IQSEC2: variants seen among roughly 807,000 people sequenced by gnomAD.
IQSEC2 encodes IQ motif and Sec7 domain ArfGEF 2, also known as IQ motif and SEC7 domain-containing protein 2.
A neutral mutation model predicts 74.6 loss-of-function variants in IQSEC2; 6 were observed. That is an observed-to-expected ratio of 0.08 (90% CI 0.04 to 0.16). The LOEUF (loss-of-function observed/expected upper bound fraction) is 0.16, where lower values mean the gene tolerates loss of function less well. Ranked by LOEUF, IQSEC2 falls within the 10% of genes least tolerant of loss-of-function variation. The pLI, the probability that IQSEC2 is intolerant of heterozygous loss-of-function variation, is 1.00. For synonymous variants in IQSEC2, 494 were observed against 544.5 expected, an observed-to-expected ratio of 0.91 and a Z score of 1.29; for missense variants, 734 against 1,306.2, an observed-to-expected ratio of 0.56 and a Z score of 6.75.
chrX:53,271,048 AAAAAT>A (rs1485159807), intron 2 of IQSEC2, among the ~76,000 whole-genome samples: 6 of 111,312 alleles, frequency 5.4e-5, no homozygotes, highest in Non-Finnish European at 9.4e-5. Flanking sequence ...CTACCAAAAA[AAAAAT>A]AAAATAAAAT....
chrX:53,235,493 AGC>A (rs2074112873), intron 14 of IQSEC2, among the ~76,000 whole-genome samples: 1 of 111,255 alleles, frequency 9.0e-6, no homozygotes, highest in Admixed American at 9.5e-5. Flanking sequence ...AGGGTCAAAG[AGC>A]AGGACTTGGA....
intron 2 of IQSEC2, among the ~76,000 whole-genome samples, chrX:53,284,007 G>A (rs1209863708): frequency 1.8e-5 from 2 of 111,286 alleles, no homozygotes; most frequent in Non-Finnish European, 3.8e-5. Context: ...AGAGCACAGG[G>A]GAGAAAGGTG....
chrX:53,288,864 C>G (rs2075060962), intron 2 of IQSEC2, among the ~76,000 whole-genome samples: 1 of 111,892 alleles, frequency 8.9e-6, no homozygotes, highest in African/African-American at 3.3e-5. Context: ...TGGCCAATCC[C>G]TCTCTGGACC....
intron 1 of IQSEC2, among the ~76,000 whole-genome samples, chrX:53,296,006 T>C (rs960090524): frequency 9.0e-6 from 1 of 111,212 alleles, no homozygotes; most frequent in African/African-American, 3.3e-5. Flanking sequence ...TTATGTCTCC[T>C]ACAGAAAGGA....
intron 2 of IQSEC2, among the ~76,000 whole-genome samples, chrX:53,269,814 T>C (rs2074713244): frequency 9.0e-6 from 1 of 111,129 alleles, no homozygotes; most frequent in African/African-American, 3.3e-5. Context: ...TAGCCCAGGC[T>C]GCAACATTTG....
At chrX:53,254,489 C>G in intron 4 of IQSEC2, 41 bp downstream of exon 4, 4 of 1,170,986 alleles carry the variant, frequency 3.4e-6, no homozygotes, top group Non-Finnish European at 4.6e-6. Flanking sequence ...GTAGCCAGAA[C>G]ACGGGGATGG....
At chrX:53,279,553 C>G in intron 2 of IQSEC2, 1 of 1,117,753 alleles carries the variant, frequency 8.9e-7, no homozygotes. Flanking sequence ...AGGGATGGGT[C>G]TAGCTCTTAC....
intron 1 of IQSEC2, 150 bp downstream of exon 1, chrX:53,320,267 C>T: frequency 1.9e-6 from 1 of 529,505 alleles, no homozygotes; most frequent in Non-Finnish European, 3.1e-6. Context: ...GAAGGGGTGT[C>T]GGCTGGATGA....
At chrX:53,254,469 A>AG in intron 4 of IQSEC2, 61 bp downstream of exon 4, 1 of 1,094,172 alleles carries the variant, frequency 9.1e-7, no homozygotes, top group Non-Finnish European at 1.2e-6. Flanking sequence ...CTAGGTAAAA[A>AG]GTAGCAGGAG....
chrX:53,257,216 A>G (rs2074488093), intron 2 of IQSEC2, among the ~76,000 whole-genome samples: 1 of 112,206 alleles, frequency 8.9e-6, no homozygotes, highest in Non-Finnish European at 1.9e-5. Context: ...CGGCAGAGGC[A>G]AAGGCAAAGG....
chrX:53,266,887 G>A, intron 2 of IQSEC2: 1 of 697,111 alleles, frequency 1.4e-6, no homozygotes, highest in Non-Finnish European at 2.0e-6. Context: ...GGGGGAATCT[G>A]CGGGGGGGTG....
chrX:53,230,555 A>G (rs782623948), downstream of IQSEC2: 1 of 113,901 alleles, frequency 8.8e-6, no homozygotes, highest in African/African-American at 3.2e-5. Flanking sequence ...GAGAACAAAC[A>G]TAAGAACTCT....
intron 14 of IQSEC2, among the ~76,000 whole-genome samples, 165 bp from the exon 15 acceptor site, chrX:53,235,349 G>A (rs1382003878): frequency 9.0e-6 from 1 of 111,595 alleles, no homozygotes; most frequent in African/African-American, 3.3e-5. Context: ...TCCCCAGCTT[G>A]CAAAGCTCGG....
intron 2 of IQSEC2, among the ~76,000 whole-genome samples, chrX:53,286,999 G>A (rs986606881): frequency 4.6e-5 from 5 of 109,032 alleles, no homozygotes; most frequent in Non-Finnish European, 9.6e-5. Flanking sequence ...AGATGACAGG[G>A]ACCAGGCAAG....
chrX:53,267,400 C>G (rs1475601657), intron 2 of IQSEC2, among the ~76,000 whole-genome samples: 1 of 112,216 alleles, frequency 8.9e-6, no homozygotes, highest in African/African-American at 3.2e-5. Flanking sequence ...CGCATCATCT[C>G]ACTTAGCCCC....
chrX:53,291,749 T>A, intron 2 of IQSEC2, 146 bp downstream of exon 2: 7 of 404,656 alleles, frequency 1.7e-5, no homozygotes, highest in Admixed American at 4.4e-5. Context: ...CTCACCCCAC[T>A]CCATAGCCAC....
intron 2 of IQSEC2, among the ~76,000 whole-genome samples, chrX:53,275,727 TC>T (rs1472430641): frequency 2.9e-5 from 3 of 102,106 alleles, no homozygotes; most frequent in Non-Finnish European, 5.9e-5. Flanking sequence ...TTGCCCTCAT[TC>T]TTTTTTTTTT....
chrX:53,230,197 T>G (rs1273120195), downstream of IQSEC2: 3 of 112,373 alleles, frequency 2.7e-5, no homozygotes, highest in Non-Finnish European at 3.8e-5. Flanking sequence ...CAGAAAATGG[T>G]GCCTGACCCC....
chrX:53,244,706 G>C (rs782424659), intron 8 of IQSEC2, among the ~76,000 whole-genome samples: 2 of 111,301 alleles, frequency 1.8e-5, no homozygotes, highest in South Asian at 7.5e-4. Context: ...TATGGGAAAA[G>C]AGTAAGATAA....
Sources: allele counts gnomAD v4.1 joint callset (sites outside exome capture counted in the v4.1 genomes callset), GRCh38; gene constraint gnomAD v4.1.1; transcripts MANE v1.5; gene names NCBI Gene and HGNC (gene_info 2026-07-23, HGNC 2026-07-21).